Variants in COL4A2 observed in about 807,000 individuals in gnomAD.
COL4A2 encodes collagen type IV alpha 2 chain.
COL4A2 carries 99 observed loss-of-function variants against 200.2 expected under a neutral mutation model. The observed-to-expected ratio is 0.49, with a 90% confidence interval of 0.42 to 0.58. The LOEUF (loss-of-function observed/expected upper bound fraction) is 0.58. COL4A2 is among the 20% of genes least tolerant of loss of function. The probability of loss-of-function intolerance (pLI) is 0.00; values close to 1 mark genes in which losing one functional copy is unlikely to be tolerated. For missense variants in COL4A2, 1,950 were observed against 2,314.1 expected, an observed-to-expected ratio of 0.84 and a Z score of 3.23; for synonymous variants, 897 against 900.6, an observed-to-expected ratio of 1.00 and a Z score of 0.07.
intron 3 of COL4A2, among the ~76,000 whole-genome samples, chr13:110,341,436 G>C (rs1295620330): frequency 6.6e-6 from 1 of 152,234 alleles, no homozygotes; most frequent in Non-Finnish European, 1.5e-5. Flanking sequence ...AGGATTTACT[G>C]TTCAGGGCTG....
intron 4 of COL4A2, among the ~76,000 whole-genome samples, chr13:110,410,756 G>A (rs1258602918): frequency 5.9e-5 from 9 of 152,134 alleles, no homozygotes; most frequent in Admixed American, 5.9e-4. Context: ...CAGCTAGGTG[G>A]TATCAGTGAA....
At chr13:110,479,451 C>T (rs1594098493) in intron 30 of COL4A2, among the ~76,000 whole-genome samples, 1 of 152,282 alleles carries the variant, frequency 6.6e-6, no homozygotes, top group Admixed American at 6.5e-5. Flanking sequence ...GGGGACCACC[C>T]CAGCAGAGGC....
chr13:110,463,618 G>A (rs770424305), intron 24 of COL4A2, among the ~76,000 whole-genome samples: 10 of 152,084 alleles, frequency 6.6e-5, no homozygotes, highest in Non-Finnish European at 1.0e-4. Context: ...CTGCAGCCTC[G>A]AACTTCTGGA....
chr13:110,397,776 C>G (rs1348019323), intron 4 of COL4A2, among the ~76,000 whole-genome samples: 3 of 152,296 alleles, frequency 2.0e-5, no homozygotes, highest in East Asian at 3.9e-4. Context: ...AGAATCAGCT[C>G]TGTGTTTGGG....
chr13:110,320,619 T>A (rs1316991547), intron 3 of COL4A2, among the ~76,000 whole-genome samples: 1 of 152,222 alleles, frequency 6.6e-6, no homozygotes, highest in Non-Finnish European at 1.5e-5. Flanking sequence ...GAAAGTTTAG[T>A]TCCCTCTGAA....
intron 3 of COL4A2, among the ~76,000 whole-genome samples, chr13:110,342,727 T>C (rs1876513989): frequency 6.6e-6 from 1 of 152,124 alleles, no homozygotes; most frequent in African/African-American, 2.4e-5. Context: ...CCGGGCACCC[T>C]TGGTCCAAAG....
rs1883832871 is a variant in COL4A2, at chr13:110,505,579, T to C, written c.4403-836T>C. On this transcript the variant is annotated intron_variant, in intron 45 of 47. Transcript: ENST00000360467. ...AAGGGCCATGACCATGGGTGTCCCT[T>C]GGAAGGGGAGGGGACAATGGGAGAA... Among the ~76,000 whole-genome samples, 5 of 152,028 alleles carry C rather than the reference T, an allele frequency of 3.3e-5. No homozygotes were observed. The Middle Eastern group carries it at 0.017, about 517-fold the overall frequency.
Position 110,491,974 on chromosome 13 carries a change from G to A in COL4A2, c.3455-96G>A, listed in dbSNP as rs403839. Reference sequence around the variant, plus strand: ...GGCACTGCGGCCCTTCCGGCCCTCGGCCCCTCCCAGAGCGGCTGCCCCTCC... The same window carrying A: ...GGCACTGCGGCCCTTCCGGCCCTCGACCCCTCCCAGAGCGGCTGCCCCTCC... On this transcript the variant is annotated intron_variant, in intron 37 of 47. Coordinates refer to ENST00000360467, the MANE Select transcript of COL4A2 (RefSeq NM_001846.4). The A allele has an allele frequency of 0.11, 116,628 of 1,070,718 alleles. 6,793 individuals carry two copies. Among genetic ancestry groups the A allele is most frequent in the African/African-American group, 0.13 (8,221 of 62,018 alleles). The allele number at this position is 1,070,718 out of a possible 1,614,324, so 66.3% of individuals were successfully genotyped here.
intron 39 of COL4A2, 43 bp from the exon 40 acceptor site, chr13:110,495,299 G>C (rs773815349): frequency 6.2e-7 from 1 of 1,613,516 alleles, no homozygotes; most frequent in South Asian, 1.1e-5. Flanking sequence ...CAACTGTATG[G>C]TTGGAAACAC....
chr13:110,507,772 A>C (rs1883935287), intron 46 of COL4A2, 163 bp from the exon 47 acceptor site: 3 of 657,034 alleles, frequency 4.6e-6, no homozygotes, highest in Non-Finnish European at 7.8e-6. Context: ...AGAGAAAAAG[A>C]AAGAAATTGG....
rs1321350828 is a variant in COL4A2, at chr13:110,308,134, G to C, written c.99+11G>C. ...CAGAGCGTCTTGGCGGTAAGTCCTG[G>C]CTCCCGCGCTTGGACTTGCGCGCCC... On this transcript the variant is annotated intron_variant, in intron 3 of 47. Transcript: ENST00000360467. 6.2e-7 allele frequency: 1 copy of C among 1,613,380 alleles called. No individual in the cohort carries two copies. The highest frequency in any genetic ancestry group is 1.3e-5 in the African/African-American group (1 of 75,056).
At chr13:110,406,381 C>G (rs1879569639) in intron 4 of COL4A2, among the ~76,000 whole-genome samples, 2 of 152,172 alleles carry the variant, frequency 1.3e-5, no homozygotes, top group South Asian at 4.1e-4. Flanking sequence ...TCAGGGTTCA[C>G]AGGCTGTCTG....
chr13:110,311,575 G>C (rs1378474081), intron 3 of COL4A2, among the ~76,000 whole-genome samples: 4 of 152,166 alleles, frequency 2.6e-5, no homozygotes, highest in African/African-American at 7.2e-5. Flanking sequence ...AGGTGTGTGG[G>C]TGCATGTGAA....
At chr13:110,433,955 T>G (rs1165948296) in intron 11 of COL4A2, among the ~76,000 whole-genome samples, 1 of 152,184 alleles carries the variant, frequency 6.6e-6, no homozygotes, top group Non-Finnish European at 1.5e-5. Flanking sequence ...TTTCCAAAGA[T>G]TATTAAAAAG....
At chr13:110,346,181 A>G (rs1475748099) in intron 3 of COL4A2, among the ~76,000 whole-genome samples, 1 of 152,204 alleles carries the variant, frequency 6.6e-6, no homozygotes, top group African/African-American at 2.4e-5. Context: ...GAAAAGAAAG[A>G]GAACTCTTTC....
At chr13:110,424,611 G>A in intron 4 of COL4A2, 123 bp from the exon 5 acceptor site, 4 of 578,238 alleles carry the variant, frequency 6.9e-6, no homozygotes, top group Non-Finnish European at 9.1e-6. Context: ...TACATATAAT[G>A]TTCCCTGTAG....
intron 3 of COL4A2, among the ~76,000 whole-genome samples, chr13:110,347,888 G>A (rs1006709288): frequency 2.0e-5 from 3 of 152,246 alleles, no homozygotes; most frequent in Non-Finnish European, 2.9e-5. Flanking sequence ...GCTTGTTGCC[G>A]ATGACTCAGG....
intron 3 of COL4A2, among the ~76,000 whole-genome samples, chr13:110,325,220 C>T (rs1046264646): frequency 6.6e-6 from 1 of 152,192 alleles, no homozygotes; most frequent in Non-Finnish European, 1.5e-5. Context: ...GCATTTAGAA[C>T]CAATGATCAG....
chr13:110,420,238 C>G (rs7316939), intron 4 of COL4A2, among the ~76,000 whole-genome samples: 46,308 of 152,162 alleles, frequency 0.3, 7,334 homozygotes, highest in African/African-American at 0.36. Context: ...CCCCTGTCCT[C>G]TCTCCTCTCC....
Sources: gnomAD v4.1 joint callset for allele counts (sites outside exome capture counted in the v4.1 genomes callset) on GRCh38, gnomAD v4.1.1 for gene constraint, MANE v1.5 for transcripts, NCBI Gene and HGNC (gene_info 2026-07-23, HGNC 2026-07-21) for gene names.